Variants in FRMD6 observed in about 807,000 individuals in gnomAD.
FRMD6 encodes FERM domain containing 6.
FRMD6 carries 37 observed loss-of-function variants against 73.2 expected under a neutral mutation model. That is an observed-to-expected ratio of 0.51 (90% CI 0.39 to 0.66). The LOEUF is 0.66. FRMD6 is among the 30% of genes least tolerant of loss of function. The probability of loss-of-function intolerance (pLI) is 0.00; values close to 1 mark genes in which losing one functional copy is unlikely to be tolerated. For synonymous variants in FRMD6, 273 were observed against 282.2 expected, an observed-to-expected ratio of 0.97 and a Z score of 0.33; for missense variants, 714 against 780.5, an observed-to-expected ratio of 0.91 and a Z score of 1.02.
At chr14:51,622,413 G>T (rs1320786607) in intron 2 of FRMD6, among the ~76,000 whole-genome samples, 2 of 152,144 alleles carry the variant, frequency 1.3e-5, no homozygotes, top group African/African-American at 4.8e-5. Flanking sequence ...AGGATAAAAT[G>T]GTCACTAAAG....
intron 6 of FRMD6, 40 bp from the exon 7 acceptor site, chr14:51,708,037 TC>T (rs757840218): frequency 1.4e-5 from 22 of 1,601,956 alleles, no homozygotes; most frequent in Non-Finnish European, 1.7e-5. Context: ...CTTACATCTC[TC>T]CAACAAATGT....
At chr14:51,451,474 A>G in the FRMD6 span, among the ~76,000 whole-genome samples, 2 of 152,290 alleles carry the variant, frequency 1.3e-5, no homozygotes, top group Admixed American at 6.5e-5. Context: ...CTTGGGTTCA[A>G]TTGATTCTCC....
chr14:51,477,940 G>T, the FRMD6 span, among the ~76,000 whole-genome samples: 1 of 152,084 alleles, frequency 6.6e-6, no homozygotes, highest in Non-Finnish European at 1.5e-5. Flanking sequence ...GTTTTGCCAT[G>T]TTGGCCAGGC....
At chr14:51,444,498 C>G in the FRMD6 span, among the ~76,000 whole-genome samples, 1 of 152,168 alleles carries the variant, frequency 6.6e-6, no homozygotes, top group Non-Finnish European at 1.5e-5. Flanking sequence ...TGTAACGAAT[C>G]CATTGTTAGC....
chr14:51,529,876 A>G (rs1380483783), intron 1 of FRMD6, among the ~76,000 whole-genome samples: 2 of 152,322 alleles, frequency 1.3e-5, no homozygotes, highest in Non-Finnish European at 2.9e-5. Context: ...CGTTCTGAGT[A>G]TCAGTTAGTT....
chr14:51,479,551 T>C, the FRMD6 span, among the ~76,000 whole-genome samples: 24,595 of 152,218 alleles, frequency 0.16, 2,113 homozygotes, highest in Non-Finnish European at 0.19. Context: ...TCTTCTTTTC[T>C]GTGCCTGTGT....
At chr14:51,536,086 A>AT (rs1210924426) in intron 1 of FRMD6, among the ~76,000 whole-genome samples, 2 of 140,790 alleles carry the variant, frequency 1.4e-5, no homozygotes, top group Non-Finnish European at 3.1e-5. Context: ...TTTTATATAT[A>AT]TATATATATA....
the FRMD6 span, chr14:51,454,647 A>C: frequency 6.6e-6 from 1 of 152,216 alleles, no homozygotes; most frequent in Non-Finnish European, 1.5e-5. Context: ...CTGGTGTCAT[A>C]GGCCTGTGAT....
At chr14:51,491,991 T>C (rs1015394290) in intron 1 of FRMD6, among the ~76,000 whole-genome samples, 4 of 152,204 alleles carry the variant, frequency 2.6e-5, no homozygotes, top group Non-Finnish European at 5.9e-5. Context: ...AGCTGACATT[T>C]ATCTTGGTCT....
At chr14:51,424,084 G>T in the FRMD6 span, among the ~76,000 whole-genome samples, 1 of 152,132 alleles carries the variant, frequency 6.6e-6, no homozygotes, top group Middle Eastern at 3.2e-3. Flanking sequence ...AATTGATTAG[G>T]CTCAAACTGC....
At chr14:51,550,944 C>G (rs536340947) in intron 1 of FRMD6, among the ~76,000 whole-genome samples, 5 of 152,176 alleles carry the variant, frequency 3.3e-5, no homozygotes, top group African/African-American at 9.7e-5. Flanking sequence ...CCGGGTACCA[C>G]CCACACTGTT....
chr14:51,467,178 C>T, the FRMD6 span, among the ~76,000 whole-genome samples: 2 of 152,060 alleles, frequency 1.3e-5, no homozygotes, highest in Admixed American at 6.5e-5. Context: ...TCTTAAGGAG[C>T]ATGCTGCCTT....
At chr14:51,442,154 T>C in the FRMD6 span, among the ~76,000 whole-genome samples, 1 of 152,192 alleles carries the variant, frequency 6.6e-6, no homozygotes, top group Non-Finnish European at 1.5e-5. Flanking sequence ...CTTAAAAGCA[T>C]TTGTGGATGA....
intron 2 of FRMD6, among the ~76,000 whole-genome samples, chr14:51,697,329 A>G (rs1431602188): frequency 1.3e-5 from 2 of 152,200 alleles, no homozygotes; most frequent in Non-Finnish European, 2.9e-5. Context: ...AACACAATTC[A>G]GCCTTTAAAA....
chr14:51,433,957 C>A, the FRMD6 span, among the ~76,000 whole-genome samples: 38 of 152,324 alleles, frequency 2.5e-4, no homozygotes, highest in African/African-American at 8.4e-4. Flanking sequence ...ACGCAAATAT[C>A]TTAATCTATT....
At chr14:51,434,080 A>G in the FRMD6 span, among the ~76,000 whole-genome samples, 1 of 152,204 alleles carries the variant, frequency 6.6e-6, no homozygotes, top group East Asian at 1.9e-4. Flanking sequence ...CTCAAGTAGA[A>G]GAAATAAGTT....
chr14:51,427,920 A>C, the FRMD6 span, among the ~76,000 whole-genome samples: 1 of 152,230 alleles, frequency 6.6e-6, no homozygotes, highest in Admixed American at 6.5e-5. Flanking sequence ...ACGGATGTAC[A>C]ATACTACCAC....
At chr14:51,405,366 T>C in the FRMD6 span, among the ~76,000 whole-genome samples, 2 of 152,198 alleles carry the variant, frequency 1.3e-5, no homozygotes, top group South Asian at 2.1e-4. Context: ...CTTTCCACAA[T>C]GGTTAAACTA....
At chr14:51,499,291 A>C (rs1300877645) in intron 1 of FRMD6, among the ~76,000 whole-genome samples, 1 of 152,212 alleles carries the variant, frequency 6.6e-6, no homozygotes, top group Non-Finnish European at 1.5e-5. Context: ...CTGGCCTTTC[A>C]TTAATATACA....
Sources: allele counts gnomAD v4.1 joint callset (sites outside exome capture counted in the v4.1 genomes callset), GRCh38; gene constraint gnomAD v4.1.1; transcripts MANE v1.5; gene names NCBI Gene and HGNC (gene_info 2026-07-23, HGNC 2026-07-21).